The following ABCA5 variants were observed in gnomAD, a reference collection of about 807,000 sequenced individuals.
ABCA5 encodes the protein ATP binding cassette subfamily A member 5, also known as cholesterol transporter ABCA5.
In ABCA5, 163 loss-of-function variants were observed where a neutral mutation model predicts 206.0. The ratio of observed to expected loss-of-function variants is 0.79; its 90% CI spans 0.70 to 0.90. The LOEUF is 0.90. Among genes scored for constraint, ABCA5 ranks in the 40% least tolerant of loss-of-function variants. The pLI, the probability that ABCA5 is intolerant of heterozygous loss-of-function variation, is 0.00. For synonymous variants in ABCA5, 609 were observed against 613.8 expected (o/e 0.99, Z 0.11); for missense variants, 1,859 against 1,912.9 (o/e 0.97, Z 0.53).
intron 37 of ABCA5, chr17:69,248,647 A>G (rs529020601): frequency 5.1e-6 from 1 of 196,188 alleles, no homozygotes; most frequent in African/African-American, 2.3e-5. Flanking sequence ...ACTGTAGCCT[A>G]TTCTGGCTTC....
intron 9 of ABCA5, among the ~76,000 whole-genome samples, chr17:69,297,869 T>C (rs185086974): frequency 3.2e-4 from 49 of 151,982 alleles, no homozygotes; most frequent in Admixed American, 3.0e-3. Context: ...AACAACAGGA[T>C]AGAAATATGA....
chr17:69,323,386 T>C (rs975133195), intron 1 of ABCA5, among the ~76,000 whole-genome samples: 1 of 152,222 alleles, frequency 6.6e-6, no homozygotes, highest in Non-Finnish European at 1.5e-5. Context: ...AGGCCTTGCC[T>C]ATGTAAAGGA....
At chr17:69,302,215 T>C (rs2075659737) in intron 8 of ABCA5, among the ~76,000 whole-genome samples, 1 of 152,296 alleles carries the variant, frequency 6.6e-6, no homozygotes, top group South Asian at 2.1e-4. Context: ...CTGTAAGGAC[T>C]AATAAAAATA....
chr17:69,256,258 T>A lies in ABCA5; in HGVS notation c.3757A>T (p.Arg1253Trp). Residue 1253 changes from arginine (R) to tryptophan (W), a missense_variant, in exon 29 of 39, where the codon AGG becomes TGG. Transcript: ENST00000392676. ...TTGTCTGGTGGTTCTGGAAGCTTCCTATTTTTAGACTTCGTTGAAAGGTTT... is the reference window on the plus strand; with the variant it reads ...TTGTCTGGTGGTTCTGGAAGCTTCCAATTTTTAGACTTCGTTGAAAGGTTT... The part of the protein sequence containing the change: ...FRNLSTKSKN[R>W]KLPEPPDNED... 6.2e-7 allele frequency: 1 copy of A among 1,603,306 alleles called. No homozygotes were observed. The highest frequency in any genetic ancestry group is 2.2e-5 in the East Asian group (1 of 44,496).
intron 6 of ABCA5, among the ~76,000 whole-genome samples, chr17:69,306,438 C>T (rs2075717569): frequency 1.3e-5 from 2 of 152,002 alleles, no homozygotes; most frequent in South Asian, 4.1e-4. Flanking sequence ...TTGAAATACA[C>T]TGAAATATAC....
Position 69,271,265 on chromosome 17 carries a change from CTAA to C in ABCA5, c.2786_2788del (p.Ile929del). On this transcript the variant is annotated inframe_deletion, in exon 21 of 39. Transcript: ENST00000392676. ...CATTATGTTCTGGCTTGTGAAAAAG[CTAA>C]TAAGATCACTGATATCTGAGTCTGG... The C allele has an allele frequency of 1.2e-6, 2 of 1,612,202 alleles. No homozygotes were observed.
At chr17:69,291,698 T>G (rs556716221) in intron 11 of ABCA5, among the ~76,000 whole-genome samples, 1 of 152,220 alleles carries the variant, frequency 6.6e-6, no homozygotes, top group African/African-American at 2.4e-5. Context: ...AATTAACCAA[T>G]AGCATAGAAA....
rs1737182561 is a variant in ABCA5 at position 69,264,569 on chromosome 17, CTT to C, written c.3315+164_3315+165del. 2.0e-5 allele frequency among the ~76,000 whole-genome samples: 3 copies of C among 152,142 alleles called. No homozygotes were observed. In the South Asian group the frequency reaches 6.2e-4, roughly 32 times the overall value. ...GGTAAGTTATTGTTTTTAAAAGTCA[CTT>C]ATCATATAAAATGATTACATGTATT... On this transcript the variant is annotated intron_variant, in intron 24 of 38. Transcript: ENST00000392676.
At chr17:69,319,180 T>C (rs148037746) in intron 1 of ABCA5, among the ~76,000 whole-genome samples, 3 of 152,342 alleles carry the variant, frequency 2.0e-5, no homozygotes, top group Admixed American at 6.5e-5. Flanking sequence ...AAAGCTGTAC[T>C]CATTCAAGCA....
In ABCA5 at chr17:69,311,795, T is replaced by C. The variant is rs555053738; in HGVS notation, c.307+1297A>G. ...GCGTGAGTCACCATGCCTGGCCTCATATTTCTTTGGTTTATATTCTTTCCT... is the reference window on the plus strand; with the variant it reads ...GCGTGAGTCACCATGCCTGGCCTCACATTTCTTTGGTTTATATTCTTTCCT... On this transcript the variant is annotated intron_variant, in intron 3 of 38. Transcript: ENST00000392676. Among the ~76,000 whole-genome samples, 4 of 152,254 alleles carry C rather than the reference T, an allele frequency of 2.6e-5. No homozygotes were observed. In the South Asian group the frequency reaches 6.2e-4, roughly 24 times the overall value.
intron 14 of ABCA5, 114 bp from the exon 15 acceptor site, chr17:69,287,865 T>C (rs1464016821): frequency 9.8e-7 from 1 of 1,019,136 alleles, no homozygotes; most frequent in Non-Finnish European, 1.3e-6. Flanking sequence ...CAATCAGAAA[T>C]ATATTAGATC....
At chr17:69,325,579 A>C (rs1446534194) in intron 1 of ABCA5, 2 of 152,200 alleles carry the variant, frequency 1.3e-5, no homozygotes, top group African/African-American at 2.4e-5. Flanking sequence ...GAGATTATAA[A>C]TTGTATTCAT....
At chr17:69,289,403 G>A in intron 13 of ABCA5, 107 bp from the exon 14 acceptor site, 1 of 877,396 alleles carries the variant, frequency 1.1e-6, no homozygotes. Flanking sequence ...AGATATTTAA[G>A]TAACATAGGT....
chr17:69,281,427 T>C (rs1372685007), intron 18 of ABCA5, among the ~76,000 whole-genome samples: 1 of 152,196 alleles, frequency 6.6e-6, no homozygotes, highest in Non-Finnish European at 1.5e-5. Context: ...GCACTTTCAA[T>C]ATAAAAGTTT....
In ABCA5 at chr17:69,301,173, G is replaced by A. The variant is rs1598194043; in HGVS notation, c.1233C>T (p.Val411=). The part of the protein sequence containing the change: ...IMLTLNSIFY[V]LLAVYLDQVI... ...CTTGATCAAGATAGACAGCCAAGAG[G>A]ACATAGAATATACTATTAAGTGTGA... Residue 411 remains valine (V), a synonymous_variant, in exon 9 of 39, where the codon GTC becomes GTT. Coordinates refer to ENST00000392676, the MANE Select transcript of ABCA5 (RefSeq NM_172232.4). 6.3e-7 allele frequency: 1 copy of A among 1,585,606 alleles called. No homozygotes were observed. Among genetic ancestry groups the A allele is most frequent in the African/African-American group, 1.4e-5 (1 of 72,950 alleles).
intron 20 of ABCA5, 108 bp downstream of exon 20, chr17:69,273,851 C>T (rs571025081): frequency 9.7e-7 from 1 of 1,030,638 alleles, no homozygotes; most frequent in East Asian, 2.6e-5. Context: ...TTCATGCAGA[C>T]AGACCATGCC....
chr17:69,318,707 A>G lies in ABCA5; in HGVS notation c.-15-4277T>C, dbSNP rs566304233. 1.3e-5 allele frequency: 7 copies of G among 532,490 alleles called. No individual in the cohort carries two copies. In the Admixed American group the frequency reaches 1.9e-4, roughly 15 times the overall value. 33.0% of individuals were successfully genotyped at this position (532,490 alleles called of 1,614,324 possible). On this transcript the variant is annotated intron_variant, in intron 1 of 38. Coordinates refer to ENST00000392676, the MANE Select transcript of ABCA5 (RefSeq NM_172232.4). ...TTCTTCCAGCATTCCATTCCAAGGC[A>G]TCTGTGAACCTGTGGAGTAGACACC...
At chr17:69,284,173 A>T (rs1403652175) in intron 17 of ABCA5, 101 bp from the exon 18 acceptor site, 3 of 902,140 alleles carry the variant, frequency 3.3e-6, no homozygotes, top group Non-Finnish European at 4.6e-6. Flanking sequence ...CCTGTGAAAC[A>T]TATCATGACC....
chr17:69,282,765 CAAA>C (rs71144668), intron 18 of ABCA5, among the ~76,000 whole-genome samples: 31 of 107,898 alleles, frequency 2.9e-4, no homozygotes, highest in Admixed American at 2.9e-4. Context: ...GAGCAAGACT[CAAA>C]AAAAAAAAAA....
Sources: gnomAD v4.1 joint callset for allele counts (sites outside exome capture counted in the v4.1 genomes callset) on GRCh38, gnomAD v4.1.1 for gene constraint, MANE v1.5 for transcripts, NCBI Gene and HGNC (gene_info 2026-07-23, HGNC 2026-07-21) for gene names.